ABI3BP: variants seen among roughly 807,000 people sequenced by gnomAD.
The protein encoded by ABI3BP is ABI family member 3 binding protein.
Under a neutral mutation model 268.6 loss-of-function variants are expected in ABI3BP, and 216 were observed. The observed-to-expected ratio is 0.80, with a 90% CI of 0.72 to 0.90. The LOEUF is 0.90. Ranked by LOEUF, ABI3BP falls within the 40% of genes least tolerant of loss-of-function variation. ABI3BP has a pLI of 0.00. For synonymous variants in ABI3BP, 730 were observed against 730.0 expected (o/e 1.00, Z 0.00); for missense variants, 2,090 against 2,182.4 (o/e 0.96, Z 0.84).
At chr3:100,959,363 G>A (rs959034900) in intron 1 of ABI3BP, among the ~76,000 whole-genome samples, 10 of 151,140 alleles carry the variant, frequency 6.6e-5, no homozygotes, top group African/African-American at 9.7e-5. Context: ...GGTAGCGGGC[G>A]CCTGTAGTCC....
At chr3:100,841,495 G>T (rs2098701928) in intron 21 of ABI3BP, among the ~76,000 whole-genome samples, 1 of 152,044 alleles carries the variant, frequency 6.6e-6, no homozygotes, top group Non-Finnish European at 1.5e-5. Flanking sequence ...ATTAAAATTA[G>T]TATTGCTTTC....
At chr3:100,947,915 G>A (rs2073246630) in intron 1 of ABI3BP, among the ~76,000 whole-genome samples, 2 of 152,168 alleles carry the variant, frequency 1.3e-5, no homozygotes, top group African/African-American at 4.8e-5. Context: ...TAACTGCTGT[G>A]ATCTGAAGAG....
At chr3:100,939,630 A>T (rs539498888) in intron 1 of ABI3BP, among the ~76,000 whole-genome samples, 1 of 152,258 alleles carries the variant, frequency 6.6e-6, no homozygotes, top group African/African-American at 2.4e-5. Flanking sequence ...AGGTAATAGA[A>T]TATCACAAGG....
chr3:100,990,622 G>A (rs976686031), intron 1 of ABI3BP, among the ~76,000 whole-genome samples: 1 of 149,646 alleles, frequency 6.7e-6, no homozygotes, highest in Non-Finnish European at 1.5e-5. Context: ...ACATAAAAAT[G>A]TAGATATGTT....
chr3:100,842,671 G>C (rs376772861), intron 20 of ABI3BP, among the ~76,000 whole-genome samples: 28 of 151,968 alleles, frequency 1.8e-4, no homozygotes, highest in African/African-American at 6.0e-4. Context: ...TTAAATAACA[G>C]TATCTAAATA....
chr3:100,936,759 T>TTC (rs2066336038), intron 1 of ABI3BP, among the ~76,000 whole-genome samples: 1 of 152,170 alleles, frequency 6.6e-6, no homozygotes, highest in Non-Finnish European at 1.5e-5. Flanking sequence ...ACTAGTTTAT[T>TTC]TGCATAGAGG....
chr3:100,786,508 G>A (rs1208955156), intron 57 of ABI3BP, among the ~76,000 whole-genome samples: 1 of 152,128 alleles, frequency 6.6e-6, no homozygotes, highest in Non-Finnish European at 1.5e-5. Context: ...CAGTATTATA[G>A]TGAAGGTTAG....
chr3:100,785,802 T>C lies in ABI3BP; in HGVS notation c.4162+1926A>G, dbSNP rs1231222234. Among the ~76,000 whole-genome samples, 3 of 152,188 alleles carry C rather than the reference T, an allele frequency of 2.0e-5. No homozygotes were observed. The East Asian group carries it at 5.8e-4, about 29-fold the overall frequency. ...TTTTTCACAGATGCCCTTTATCAGA[T>C]TGAGGAAAATTCCTTTTATTCTTAA... On this transcript the variant is annotated intron_variant, in intron 57 of 67. Coordinates refer to ENST00000471714, the MANE Select transcript of ABI3BP (RefSeq NM_001375547.2).
intron 16 of ABI3BP, among the ~76,000 whole-genome samples, chr3:100,850,457 T>C (rs1390322682): frequency 1.3e-5 from 2 of 152,020 alleles, no homozygotes; most frequent in African/African-American, 4.8e-5. Flanking sequence ...ATATTATCTA[T>C]TACAGCTCAA....
At chr3:100,833,067 G>C (rs2098519410) in intron 30 of ABI3BP, 58 bp downstream of exon 30, 1 of 1,452,678 alleles carries the variant, frequency 6.9e-7, no homozygotes, top group Non-Finnish European at 9.3e-7. Flanking sequence ...TAGCACCATA[G>C]CAAAATCTGA....
At chr3:100,876,661 T>C in intron 6 of ABI3BP, 101 bp from the exon 7 acceptor site, 1 of 1,014,804 alleles carries the variant, frequency 9.9e-7, no homozygotes, top group South Asian at 1.4e-5. Flanking sequence ...TTGTCTTCAA[T>C]GAAGTCTCCT....
chr3:100,902,468 T>C (rs2050893219), intron 3 of ABI3BP, 150 bp downstream of exon 3: 1 of 631,958 alleles, frequency 1.6e-6, no homozygotes, highest in African/African-American at 1.8e-5. Context: ...GTGTTACTTC[T>C]CCAAAAGGGT....
intron 1 of ABI3BP, among the ~76,000 whole-genome samples, chr3:100,932,209 A>G (rs1219117591): frequency 3.3e-5 from 5 of 152,058 alleles, no homozygotes; most frequent in Admixed American, 1.3e-4. Flanking sequence ...TCAACTCAAC[A>G]TGGATTAAAG....
intron 13 of ABI3BP, 37 bp from the exon 14 acceptor site, chr3:100,862,422 T>G (rs1216054977): frequency 2.7e-6 from 4 of 1,478,272 alleles, no homozygotes; most frequent in South Asian, 2.6e-5. Flanking sequence ...TGAAGATTTT[T>G]TTTTTTTTTA....
At chr3:100,824,638 A>T (rs929531063) in intron 36 of ABI3BP, among the ~76,000 whole-genome samples, 5 of 152,212 alleles carry the variant, frequency 3.3e-5, no homozygotes, top group African/African-American at 1.2e-4. Context: ...TTTCAAAGAA[A>T]AGTCTCACAT....
chr3:100,840,800 C>T lies in ABI3BP; in HGVS notation c.1804+20G>A, dbSNP rs2152921419. 3 of 1,529,782 alleles carry T rather than the reference C, an allele frequency of 2.0e-6. No individual in the cohort carries two copies. The highest frequency in any genetic ancestry group is 2.5e-5 in the East Asian group (1 of 40,710). 94.8% of individuals were successfully genotyped at this position (1,529,782 alleles called of 1,614,324 possible). ...ACAGGAAAAGAAGAAACAAAGGTCA[C>T]CCACTCAATACTCTATTACCTAATG... is the stretch of plus-strand genomic sequence containing the variant. On this transcript the variant is annotated intron_variant, in intron 22 of 67. Coordinates refer to ENST00000471714, the MANE Select transcript of ABI3BP (RefSeq NM_001375547.2).
At chr3:100,917,061 A>AT (rs941001034) in intron 2 of ABI3BP, among the ~76,000 whole-genome samples, 2 of 152,102 alleles carry the variant, frequency 1.3e-5, no homozygotes, top group African/African-American at 4.8e-5. Context: ...CAGTTGAATA[A>AT]TTTTTTCTCC....
rs1422094162 is a variant in ABI3BP at position 100,787,774 on chromosome 3, A to C, written c.4116T>G (p.Thr1372=). The part of the protein sequence containing the change: ...PVLNRTTTRP[T]RPKPSGMPSG... ...TGGGCATCCCACTGGGTTTGGGCCTAGTAGGTCTTGTAGTTGTCCTATTCA... is the reference window on the plus strand; with the variant it reads ...TGGGCATCCCACTGGGTTTGGGCCTCGTAGGTCTTGTAGTTGTCCTATTCA... Residue 1372 remains threonine (T), a synonymous_variant, in exon 57 of 68, where the codon ACT becomes ACG. Coordinates refer to ENST00000471714, the MANE Select transcript of ABI3BP (RefSeq NM_001375547.2). The C allele has an allele frequency of 6.5e-7, 1 of 1,532,244 alleles. No individual in the cohort carries two copies. Among genetic ancestry groups the C allele is most frequent in the Non-Finnish European group, 8.7e-7 (1 of 1,144,920 alleles). The allele number at this position is 1,532,244 out of a possible 1,614,324, so 94.9% of individuals were successfully genotyped here.
chr3:100,766,576 A>G (rs562238449), intron 62 of ABI3BP, among the ~76,000 whole-genome samples: 1 of 151,836 alleles, frequency 6.6e-6, no homozygotes, highest in Non-Finnish European at 1.5e-5. Flanking sequence ...GTATTGAAAA[A>G]CAAATTAATG....
Sources: allele counts gnomAD v4.1 joint callset (sites outside exome capture counted in the v4.1 genomes callset), GRCh38; gene constraint gnomAD v4.1.1; transcripts MANE v1.5; gene names NCBI Gene and HGNC (gene_info 2026-07-23, HGNC 2026-07-21).